The following TBC1D32 variants were observed in gnomAD, a reference collection of about 807,000 sequenced individuals.
The protein encoded by TBC1D32 is protein broad-minded.
A neutral mutation model predicts 170.3 loss-of-function variants in TBC1D32; 151 were observed. The observed-to-expected ratio is 0.89, with a 90% CI of 0.78 to 1.01. The LOEUF (loss-of-function observed/expected upper bound fraction) is 1.01, where lower values mean the gene tolerates loss of function less well. TBC1D32 is among the 50% of genes least tolerant of loss of function. The pLI is 0.00. For missense variants in TBC1D32, 1,464 were observed against 1,457.1 expected, an observed-to-expected ratio of 1.00 and a Z score of -0.08; for synonymous variants, 498 against 488.0, an observed-to-expected ratio of 1.02 and a Z score of -0.27.
intron 22 of TBC1D32, among the ~76,000 whole-genome samples, chr6:121,189,906 A>G (rs924088876): frequency 5.9e-5 from 9 of 152,040 alleles, no homozygotes; most frequent in African/African-American, 2.2e-4. Flanking sequence ...CTCATGTCCA[A>G]TTATGGAATT....
intron 15 of TBC1D32, among the ~76,000 whole-genome samples, chr6:121,274,446 A>G (rs1425964753): frequency 6.6e-6 from 1 of 152,026 alleles, no homozygotes; most frequent in East Asian, 1.9e-4. Flanking sequence ...TCCCAGAAAA[A>G]AAGATTTTAA....
intron 19 of TBC1D32, among the ~76,000 whole-genome samples, chr6:121,240,357 A>ATTT (rs35946120): frequency 0.023 from 1,768 of 75,266 alleles, 230 homozygotes; most frequent in African/African-American, 0.096. Context: ...GTTTAGGACA[A>ATTT]TTTTTTTTTT....
intron 24 of TBC1D32, among the ~76,000 whole-genome samples, chr6:121,141,369 T>C (rs992998971): frequency 6.6e-6 from 1 of 152,224 alleles, no homozygotes; most frequent in Non-Finnish European, 1.5e-5. Context: ...ATAAGCCTAA[T>C]GTCTTTTAAG....
intron 21 of TBC1D32, among the ~76,000 whole-genome samples, chr6:121,217,751 T>C (rs1794014121): frequency 6.6e-6 from 1 of 151,960 alleles, no homozygotes; most frequent in South Asian, 2.1e-4. Context: ...GTAACATGAG[T>C]TTACCTATAT....
chr6:121,256,920 C>T (rs1583428384), intron 15 of TBC1D32, among the ~76,000 whole-genome samples: 1 of 152,110 alleles, frequency 6.6e-6, no homozygotes, highest in East Asian at 1.9e-4. Context: ...GATAAACCCG[C>T]CTCAGCCTCC....
chr6:121,182,703 T>G (rs1273768), intron 22 of TBC1D32, among the ~76,000 whole-genome samples: 137,747 of 152,022 alleles, frequency 0.91, 63,427 homozygotes, highest in Non-Finnish European at 0.98. Flanking sequence ...CTAGCAAAAT[T>G]ACCAGAAAAA....
intron 27 of TBC1D32, among the ~76,000 whole-genome samples, chr6:121,113,417 G>A (rs75708909): frequency 0.019 from 2,895 of 152,220 alleles, 83 homozygotes; most frequent in African/African-American, 0.061. Flanking sequence ...TAGATGAAAC[G>A]TATAATATAA....
chr6:121,334,046 G>A (rs1811552948), intron 1 of TBC1D32, among the ~76,000 whole-genome samples: 1 of 152,148 alleles, frequency 6.6e-6, no homozygotes, highest in Non-Finnish European at 1.5e-5. Flanking sequence ...CGGCCTGGGC[G>A]ACAGAGCGAG....
chr6:121,235,747 C>T (rs1796261689), intron 20 of TBC1D32, among the ~76,000 whole-genome samples: 1 of 152,174 alleles, frequency 6.6e-6, no homozygotes, highest in African/African-American at 2.4e-5. Context: ...GATCCAGTTC[C>T]TTCAAAGGTT....
chr6:121,266,029 G>A (rs1800430479), intron 15 of TBC1D32, among the ~76,000 whole-genome samples: 1 of 151,904 alleles, frequency 6.6e-6, no homozygotes, highest in African/African-American at 2.4e-5. Flanking sequence ...ATTTTATGAT[G>A]AAATCGCAAA....
At chr6:121,304,952 A>C in intron 5 of TBC1D32, 119 bp from the exon 6 acceptor site, 1 of 685,332 alleles carries the variant, frequency 1.5e-6, no homozygotes, top group Non-Finnish European at 2.5e-6. Flanking sequence ...ACCATTCAGA[A>C]ACTAGAGTCA....
At chr6:121,276,478 C>T (rs112859630) in intron 15 of TBC1D32, among the ~76,000 whole-genome samples, 2,879 of 151,812 alleles carry the variant, frequency 0.019, 103 homozygotes, top group African/African-American at 0.066. Flanking sequence ...TCACATAGAA[C>T]GCTCAATCAA....
At chr6:121,267,015 A>G (rs1006475381) in intron 15 of TBC1D32, among the ~76,000 whole-genome samples, 2 of 151,786 alleles carry the variant, frequency 1.3e-5, no homozygotes, top group Admixed American at 6.6e-5. Flanking sequence ...ATCATGGCAC[A>G]CATTTACCTA....
intron 17 of TBC1D32, among the ~76,000 whole-genome samples, chr6:121,246,070 C>A (rs991874167): frequency 1.3e-5 from 2 of 152,098 alleles, no homozygotes; most frequent in African/African-American, 4.8e-5. Flanking sequence ...GGTGCCTCTC[C>A]TATTAACCTG....
intron 22 of TBC1D32, among the ~76,000 whole-genome samples, chr6:121,185,795 T>TA (rs914849667): frequency 2.8e-4 from 43 of 151,836 alleles, no homozygotes; most frequent in African/African-American, 8.9e-4. Context: ...AGTTTAACAA[T>TA]AAAAAAAAGT....
At chr6:121,286,070 AAT>A (rs1197747335) in intron 12 of TBC1D32, among the ~76,000 whole-genome samples, 1 of 152,174 alleles carries the variant, frequency 6.6e-6, no homozygotes, top group Admixed American at 6.5e-5. Flanking sequence ...AAACTCTAAA[AAT>A]CAGAGCGCCT....
At chr6:121,213,788 A>C (rs973371610) in intron 21 of TBC1D32, among the ~76,000 whole-genome samples, 14 of 152,178 alleles carry the variant, frequency 9.2e-5, no homozygotes, top group African/African-American at 3.4e-4. Flanking sequence ...AACTAGAAAA[A>C]AACTATTTGA....
intron 24 of TBC1D32, among the ~76,000 whole-genome samples, chr6:121,136,541 C>A (rs533766949): frequency 1.3e-5 from 2 of 151,994 alleles, no homozygotes; most frequent in African/African-American, 4.8e-5. Flanking sequence ...CAGGAAAATC[C>A]CCCCCTGGCA....
chr6:121,202,639 G>A (rs1791736451), intron 22 of TBC1D32, among the ~76,000 whole-genome samples: 1 of 151,132 alleles, frequency 6.6e-6, no homozygotes, highest in African/African-American at 2.5e-5. Flanking sequence ...TTCTTTGGGT[G>A]GTTTGTTGTA....
Sources: allele counts gnomAD v4.1 joint callset (sites outside exome capture counted in the v4.1 genomes callset), GRCh38; gene constraint gnomAD v4.1.1; transcripts MANE v1.5; gene names NCBI Gene and HGNC (gene_info 2026-07-23, HGNC 2026-07-21).